The following PPP6R3 variants were observed in gnomAD, a reference collection of about 807,000 sequenced individuals.
The protein encoded by PPP6R3 is protein phosphatase 6 regulatory subunit 3.
In PPP6R3, 38 loss-of-function variants were observed where a neutral mutation model predicts 110.7. That is an observed-to-expected ratio of 0.34 (90% CI 0.26 to 0.45). The LOEUF is 0.45. PPP6R3 is among the 20% of genes least tolerant of loss of function. PPP6R3 has a pLI of 1.00. For missense variants in PPP6R3, 870 were observed against 1,062.4 expected (o/e 0.82, Z 2.52); for synonymous variants, 369 against 373.5 (o/e 0.99, Z 0.14).
Position 68,613,615 on chromosome 11 carries a change from T to G in PPP6R3, c.*498T>G. The G allele has an allele frequency of 1.0e-6, 1 of 985,922 alleles. No individual in the cohort carries two copies. The highest frequency in any genetic ancestry group is 1.2e-6 in the Non-Finnish European group (1 of 830,020). 61.1% of individuals were successfully genotyped at this position (985,922 alleles called of 1,614,324 possible). The stretch of plus-strand genomic sequence containing the variant: ...GAATGAAAATGCCCTCTAAGTGTTA[T>G]TTTGGTTGTTCTAACTTACAAAAGT... On this transcript the variant is annotated 3_prime_UTR_variant, in exon 24 of 24. Coordinates refer to ENST00000393800, the MANE Select transcript of PPP6R3 (RefSeq NM_001164161.2).
At chr11:68,562,766 G>A (rs1323609979) in intron 8 of PPP6R3, among the ~76,000 whole-genome samples, 4 of 152,252 alleles carry the variant, frequency 2.6e-5, no homozygotes, top group Admixed American at 6.5e-5. Flanking sequence ...ACTCAAAATG[G>A]ATGATAGAAC....
chr11:68,554,329 TG>T, intron 7 of PPP6R3, 72 bp downstream of exon 7: 1 of 1,205,894 alleles, frequency 8.3e-7, no homozygotes, highest in Admixed American at 2.1e-5. Flanking sequence ...TGTGAGTGAT[TG>T]GTAAGTGTTC....
At chr11:68,546,671 C>A (rs1187717628) in intron 4 of PPP6R3, among the ~76,000 whole-genome samples, 1 of 152,208 alleles carries the variant, frequency 6.6e-6, no homozygotes, top group Non-Finnish European at 1.5e-5. Context: ...TGAGACTCAA[C>A]TGGCTTAACC....
rs568768404 is a variant in PPP6R3, at chr11:68,486,633, G to A, written c.-158+25806G>A. On this transcript the variant is annotated intron_variant, in intron 1 of 23. Coordinates refer to ENST00000393800, the MANE Select transcript of PPP6R3 (RefSeq NM_001164161.2). ...AAAAAAAAAAAAAAAAAAAAATTCC[G>A]TCTGCTGCTTTCTATTTTCTGGAAG... Among the ~76,000 whole-genome samples the A allele has an allele frequency of 7.3e-4, 108 of 147,026 alleles. 2 individuals are homozygous for A. The East Asian group carries it at 0.018, about 24-fold the overall frequency.
At chr11:68,561,517 A>G (rs1364248270) in intron 8 of PPP6R3, among the ~76,000 whole-genome samples, 3 of 152,256 alleles carry the variant, frequency 2.0e-5, no homozygotes, top group Admixed American at 2.0e-4. Context: ...CCTCAAGAAA[A>G]TATGAGTGAA....
Position 68,592,229 on chromosome 11 carries a change from T to A in PPP6R3, c.1916+523T>A, listed in dbSNP as rs879635515. Among the ~76,000 whole-genome samples the A allele has an allele frequency of 3.9e-5, 6 of 152,168 alleles. No homozygotes were observed. The South Asian group carries it at 6.2e-4, about 16-fold the overall frequency. The stretch of plus-strand genomic sequence containing the variant: ...CTGTACACAGACAAATCTTGTTATA[T>A]GAGCATTCATTGTCAGAATCTTCAT... On this transcript the variant is annotated intron_variant, in intron 18 of 23. Transcript: ENST00000393800.
In PPP6R3 at chr11:68,511,463, A is replaced by AGTGTGTGTGT. The variant is rs111457206; in HGVS notation, c.-157-8015_-157-8006dup. Among the ~76,000 whole-genome samples, 567 of 138,596 alleles carry AGTGTGTGTGT rather than the reference A, an allele frequency of 4.1e-3. 9 individuals carry two copies. Among genetic ancestry groups the AGTGTGTGTGT allele is most frequent in the African/African-American group, 0.014 (515 of 36,884 alleles). The allele number at this position is 138,596 out of a possible 152,430, so 90.9% of individuals were successfully genotyped here. A position where few individuals can be genotyped will look rare whatever the true frequency, so the allele number is the denominator to read the frequency against. On this transcript the variant is annotated intron_variant, in intron 1 of 23. Transcript: ENST00000393800. ...CTCTGGAAATGTGTTACTGTGTTAGAGTGTGTGTGTGTGTGTGTGTGTGTG... is the reference window on the plus strand; with the variant it reads ...CTCTGGAAATGTGTTACTGTGTTAGAGTGTGTGTGTGTGTGTGTGTGTGTGTGTGTGTGTG...
intron 3 of PPP6R3, among the ~76,000 whole-genome samples, chr11:68,539,563 G>A (rs960515817): frequency 1.3e-5 from 2 of 152,240 alleles, no homozygotes; most frequent in Non-Finnish European, 2.9e-5. Flanking sequence ...TCTGCCCTGA[G>A]CAGAGTCACC....
chr11:68,611,433 C>G (rs965494577), intron 23 of PPP6R3, among the ~76,000 whole-genome samples: 6 of 152,214 alleles, frequency 3.9e-5, no homozygotes, highest in African/African-American at 1.4e-4. Context: ...AAGCCACTTG[C>G]TCTCCTCTGT....
At chr11:68,566,254 C>CTGCTGCTGCTGCTGCTGT (rs2099467995) in intron 9 of PPP6R3, among the ~76,000 whole-genome samples, 1 of 152,114 alleles carries the variant, frequency 6.6e-6, no homozygotes, top group African/African-American at 2.4e-5. Flanking sequence ...GCTGCTGCTG[C>CTGCTGCTGCTGCTGCTGT]TGCTGCTGTT....
In PPP6R3 at chr11:68,613,362, G is replaced by T; in HGVS notation, c.*245G>T. 1 of 1,216,642 alleles carries T rather than the reference G, an allele frequency of 8.2e-7. No homozygotes were observed. The highest frequency in any genetic ancestry group is 3.8e-5 in the East Asian group (1 of 26,290). The allele number at this position is 1,216,642 out of a possible 1,614,324, so 75.4% of individuals were successfully genotyped here. A position where few individuals can be genotyped will look rare whatever the true frequency, so the allele number is the denominator to read the frequency against. ...TTTATATTGTATTGTTCTAAATAAT[G>T]GGTAGCCTGTGAAATAAGATCTTGC... is the stretch of plus-strand genomic sequence containing the variant. On this transcript the variant is annotated 3_prime_UTR_variant, in exon 24 of 24. Coordinates refer to ENST00000393800, the MANE Select transcript of PPP6R3 (RefSeq NM_001164161.2).
chr11:68,481,564 C>T (rs137876167), intron 1 of PPP6R3, among the ~76,000 whole-genome samples: 97 of 152,244 alleles, frequency 6.4e-4, no homozygotes, highest in African/African-American at 2.0e-3. Flanking sequence ...TTAGAGAGAG[C>T]GAGCTGGTTT....
intron 1 of PPP6R3, among the ~76,000 whole-genome samples, chr11:68,509,744 ATTT>A (rs59022544): frequency 9.8e-6 from 1 of 102,152 alleles, no homozygotes; most frequent in African/African-American, 3.8e-5. Flanking sequence ...CATGTGGCTA[ATTT>A]TTTTTTTTTT....
chr11:68,574,024 T>A, intron 12 of PPP6R3, 85 bp from the exon 13 acceptor site: 2 of 924,710 alleles, frequency 2.2e-6, no homozygotes, highest in South Asian at 1.4e-5. Flanking sequence ...TTAAAATGAT[T>A]GTTTAAAAGT....
At chr11:68,610,645 C>G (rs1399315890) in intron 23 of PPP6R3, among the ~76,000 whole-genome samples, 1 of 152,180 alleles carries the variant, frequency 6.6e-6, no homozygotes, top group African/African-American at 2.4e-5. Flanking sequence ...GTCTAAGTCT[C>G]AGCCACCCGG....
chr11:68,613,184 C>G lies in PPP6R3; in HGVS notation c.*67C>G. 6.3e-7 allele frequency: 1 copy of G among 1,598,886 alleles called. No individual in the cohort carries two copies. The highest frequency in any genetic ancestry group is 8.5e-7 in the Non-Finnish European group (1 of 1,173,092). ...CACCACTCAGGGGCTCTGGAGGGGTCAGCTGGAGCCCACCAAGCTGTCACT... is the reference window on the plus strand; with the variant it reads ...CACCACTCAGGGGCTCTGGAGGGGTGAGCTGGAGCCCACCAAGCTGTCACT... On this transcript the variant is annotated 3_prime_UTR_variant, in exon 24 of 24. Coordinates refer to ENST00000393800, the MANE Select transcript of PPP6R3 (RefSeq NM_001164161.2).
At chr11:68,588,084 A>G (rs1271154979) in intron 16 of PPP6R3, 60 bp downstream of exon 16, 1 of 1,405,552 alleles carries the variant, frequency 7.1e-7, no homozygotes, top group Non-Finnish European at 1.0e-6. Context: ...TGGTAGATGT[A>G]TGTGTGATTC....
chr11:68,497,813 T>G (rs1257567150), intron 1 of PPP6R3, among the ~76,000 whole-genome samples: 1 of 152,240 alleles, frequency 6.6e-6, no homozygotes, highest in African/African-American at 2.4e-5. Flanking sequence ...TGGTGTCATA[T>G]CTAAGAAAGT....
chr11:68,511,345 A>G (rs961108627), intron 1 of PPP6R3, among the ~76,000 whole-genome samples: 4 of 152,114 alleles, frequency 2.6e-5, no homozygotes, highest in Admixed American at 1.3e-4. Context: ...GATTACAGGC[A>G]TGAGCCACCG....
Sources: gnomAD v4.1 joint callset for allele counts (sites outside exome capture counted in the v4.1 genomes callset) on GRCh38, gnomAD v4.1.1 for gene constraint, MANE v1.5 for transcripts, NCBI Gene and HGNC (gene_info 2026-07-23, HGNC 2026-07-21) for gene names.